TPMT: variants seen among roughly 807,000 people sequenced by gnomAD.
The protein encoded by TPMT is S-adenosyl-L-methionine:thiopurine S-methyltransferase.
TPMT carries 18 observed loss-of-function variants against 34.2 expected under a neutral mutation model. That is an observed-to-expected ratio of 0.53 (90% CI 0.36 to 0.78). The LOEUF is 0.78. TPMT is among the 30% of genes least tolerant of loss of function. TPMT has a pLI of 0.00. For missense variants in TPMT, 265 were observed against 288.1 expected, an observed-to-expected ratio of 0.92 and a Z score of 0.58; for synonymous variants, 69 against 92.4, an observed-to-expected ratio of 0.75 and a Z score of 1.45.
At position 18,148,301 on chromosome 6, in the gene TPMT, G is replaced by A. The variant is rs1479546483; in HGVS notation, c.141-386C>T. On this transcript the variant is annotated intron_variant, in intron 2 of 8. Coordinates refer to ENST00000309983, the MANE Select transcript of TPMT (RefSeq NM_000367.5). The surrounding 1 kb of genome is among the most constrained non-coding windows in gnomAD (Gnocchi z 4.1). ...AGCCTCGGAAGTAAACCTGAGAAGTGTAACTCCTGTAGTTTCTTGTAATTC... is the reference window on the plus strand; with the variant it reads ...AGCCTCGGAAGTAAACCTGAGAAGTATAACTCCTGTAGTTTCTTGTAATTC... 1.3e-5 allele frequency among the ~76,000 whole-genome samples: 2 copies of A among 152,152 alleles called. No individual in the cohort carries two copies. Among genetic ancestry groups the A allele is most frequent in the African/African-American group, 2.4e-5 (1 of 41,428 alleles).
At chr6:18,134,763 G>A (rs1340809534) in intron 6 of TPMT, among the ~76,000 whole-genome samples, 1 of 152,226 alleles carries the variant, frequency 6.6e-6, no homozygotes, top group Non-Finnish European at 1.5e-5. Context: ...TTGGAGCAAG[G>A]AGGCTGACCG....
At chr6:18,144,886 A>G (rs1365233474) in intron 3 of TPMT, among the ~76,000 whole-genome samples, 2 of 149,550 alleles carry the variant, frequency 1.3e-5, no homozygotes, top group South Asian at 2.1e-4. Flanking sequence ...ATACCCGGCT[A>G]ATTTTTGTAT....
Position 18,153,483 on chromosome 6 carries a change from T to C in TPMT, c.-45+1550A>G, listed in dbSNP as rs915529939. On this transcript the variant is annotated intron_variant, in intron 1 of 8. Transcript: ENST00000309983. This position sits in a 1 kb window ranked among gnomAD's most constrained non-coding sequence, Gnocchi z 4.2. ...CTAATTTAATGATTAATCTGTGAAA[T>C]AGCAAACATTGCATAAAAGCATGTA... Among the ~76,000 whole-genome samples, 6 of 152,354 alleles carry C rather than the reference T, an allele frequency of 3.9e-5. No individual in the cohort carries two copies. Among genetic ancestry groups the C allele is most frequent in the African/African-American group, 1.4e-4 (6 of 41,582 alleles).
At chr6:18,151,818 C>T (rs1433041119) in intron 1 of TPMT, among the ~76,000 whole-genome samples, 2 of 152,016 alleles carry the variant, frequency 1.3e-5, no homozygotes, top group Non-Finnish European at 2.9e-5. Flanking sequence ...CAATTCCTGT[C>T]TTAAGGATTC....
At position 18,139,281 on chromosome 6, in the gene TPMT, C is replaced by A. The variant is rs1314481860; in HGVS notation, c.420-244G>T. ...ATGATTTGGGGACATGAAGAAGGAA[C>A]AAAGGACAGTGTGCAACAACTCTGC... On this transcript the variant is annotated intron_variant, in intron 5 of 8. Coordinates refer to ENST00000309983, the MANE Select transcript of TPMT (RefSeq NM_000367.5). The surrounding 1 kb of genome is among the most constrained non-coding windows in gnomAD (Gnocchi z 4.2). Among the ~76,000 whole-genome samples the A allele has an allele frequency of 6.6e-6, 1 of 152,162 alleles. No individual in the cohort carries two copies. Among genetic ancestry groups the A allele is most frequent in the Non-Finnish European group, 1.5e-5 (1 of 68,036 alleles).
intron 3 of TPMT, among the ~76,000 whole-genome samples, chr6:18,144,542 C>G (rs1784213288): frequency 6.6e-6 from 1 of 151,808 alleles, no homozygotes; most frequent in Non-Finnish European, 1.5e-5. Context: ...CCATGCCTGG[C>G]TAATTTTTGT....
rs1783969351 is a variant in TPMT, at chr6:18,132,765, T to C, written c.581-588A>G. ...ATTAGGGACACTAGGTCTCATCTTT[T>C]AATGAGTTTTTAAGACCCCAATTTA... is the stretch of plus-strand genomic sequence containing the variant. On this transcript the variant is annotated intron_variant, in intron 7 of 8. Coordinates refer to ENST00000309983, the MANE Select transcript of TPMT (RefSeq NM_000367.5). The surrounding 1 kb of genome is among the most constrained non-coding windows in gnomAD (Gnocchi z 4.8). Among the ~76,000 whole-genome samples, 1 of 152,060 alleles carries C rather than the reference T, an allele frequency of 6.6e-6. No homozygotes were observed.
In TPMT at chr6:18,149,015, G is replaced by A. The variant is rs1784298622; in HGVS notation, c.113C>T (p.Thr38Ile). Residue 38 changes from threonine (T) to isoleucine (I), a missense_variant, in exon 2 of 9, where the codon ACT (threonine) becomes ATT (isoleucine). By Grantham distance (89) the Thr-to-Ile change is moderately conservative (BLOSUM62 -1). Transcript: ENST00000309983. This position sits in a 1 kb window ranked among gnomAD's most constrained non-coding sequence, Gnocchi z 5.0. ...ATGTCCTTGTTCCTGATGAAAAGCA[G>A]TCTTGCCGTTCACCCACTTGTCTTG... ...EWQDKWVNGK[T>I]AFHQEQGHQL... 1.9e-6 allele frequency: 3 copies of A among 1,613,860 alleles called. No individual in the cohort carries two copies. Among genetic ancestry groups the A allele is most frequent in the East Asian group, 2.2e-5 (1 of 44,880 alleles).
In TPMT at chr6:18,132,225, T is replaced by C. The variant is rs747409683; in HGVS notation, c.581-48A>G. On this transcript the variant is annotated intron_variant, in intron 7 of 8. Transcript: ENST00000309983. The surrounding 1 kb of genome is among the most constrained non-coding windows in gnomAD (Gnocchi z 4.8). ...CTGAGTTTATTTCCAATGACGTAGG[T>C]GTACTTGTTCTACATACAACTTCAT... 109 of 1,574,058 alleles carry C rather than the reference T, an allele frequency of 6.9e-5. No homozygotes were observed. The highest frequency in any genetic ancestry group is 6.7e-4 in the Middle Eastern group (4 of 6,014).
rs1175104604 is a variant in TPMT, at chr6:18,129,756, GT to G, written c.*911del. Reference sequence around the variant, plus strand: ...TTATTCTTAGAATTTGGGAATGTTTGTTCCATATAGATTGTTTAATTAAAAT... The same window carrying G: ...TTATTCTTAGAATTTGGGAATGTTTGTCCATATAGATTGTTTAATTAAAAT... On this transcript the variant is annotated 3_prime_UTR_variant, in exon 9 of 9. Coordinates refer to ENST00000309983, the MANE Select transcript of TPMT (RefSeq NM_000367.5). The G allele has an allele frequency of 6.6e-6, 1 of 152,124 alleles. No homozygotes were observed. Among genetic ancestry groups the G allele is most frequent in the African/African-American group, 2.4e-5 (1 of 41,396 alleles). 9.4% of individuals were successfully genotyped at this position (152,124 alleles called of 1,614,324 possible).
chr6:18,132,146 A>G lies in TPMT; in HGVS notation c.612T>C (p.Ile204=). 1 of 1,614,186 alleles carries G rather than the reference A, an allele frequency of 6.2e-7. No homozygotes were observed. The highest frequency in any genetic ancestry group is 8.5e-7 in the Non-Finnish European group (1 of 1,180,014). The change falls in exon 8 of 9, where the codon ATT becomes ATC. Residue 204 remains isoleucine, a synonymous_variant. Coordinates refer to ENST00000309983, the MANE Select transcript of TPMT (RefSeq NM_000367.5). The surrounding 1 kb of genome is among the most constrained non-coding windows in gnomAD (Gnocchi z 4.8). ...GPPFYVPHAE[I]ERLFGKICNI... is the part of the protein sequence containing the mutation. ...CCACAAACTTACCAAACAACCTTTC[A>G]ATTTCAGCATGTGGAACATAAAATG...
Position 18,136,799 on chromosome 6 carries a change from AAACT to A in TPMT, c.494+2160_494+2163del, listed in dbSNP as rs142247160. On this transcript the variant is annotated intron_variant, in intron 6 of 8. Coordinates refer to ENST00000309983, the MANE Select transcript of TPMT (RefSeq NM_000367.5). The surrounding 1 kb of genome is among the most constrained non-coding windows in gnomAD (Gnocchi z 4.7). ...CACTCCAGCCTGGGCAACAAGAGCG[AAACT>A]CTGTCTCGAAAAAAAAGATTTGATT... Among the ~76,000 whole-genome samples the A allele has an allele frequency of 0.016, 2,505 of 152,212 alleles. 73 individuals are homozygous for A. The highest frequency in any genetic ancestry group is 0.057 in the African/African-American group (2,371 of 41,546).
At position 18,140,135 on chromosome 6, in the gene TPMT, T is replaced by C. The variant is rs1784114536; in HGVS notation, c.367-418A>G. On this transcript the variant is annotated intron_variant, in intron 4 of 8. Coordinates refer to ENST00000309983, the MANE Select transcript of TPMT (RefSeq NM_000367.5). The surrounding 1 kb of genome is among the most constrained non-coding windows in gnomAD (Gnocchi z 4.7). ...ATGTGCAATTGTGCTGATTCTTCCA[T>C]TTTTGCTCATTCATTCAGCCAATGA... 6.6e-6 allele frequency among the ~76,000 whole-genome samples: 1 copy of C among 152,210 alleles called. No homozygotes were observed. The highest frequency in any genetic ancestry group is 2.4e-5 in the African/African-American group (1 of 41,456).
At position 18,139,620 on chromosome 6, in the gene TPMT, C is replaced by A. The variant is rs1056262092; in HGVS notation, c.419+45G>T. 9 of 1,525,062 alleles carry A rather than the reference C, an allele frequency of 5.9e-6. No individual in the cohort carries two copies. The Admixed American group carries it at 6.7e-5, about 11-fold the overall frequency. The allele number at this position is 1,525,062 out of a possible 1,614,324, so 94.5% of individuals were successfully genotyped here. A position where few individuals can be genotyped will look rare whatever the true frequency, so the allele number is the denominator to read the frequency against. ...CCACTCCCATGCCTGCACTGCCTGGCAAGCATTCAAATTTTTTAAAGTGCA... is the reference window on the plus strand; with the variant it reads ...CCACTCCCATGCCTGCACTGCCTGGAAAGCATTCAAATTTTTTAAAGTGCA... On this transcript the variant is annotated intron_variant, in intron 5 of 8. Transcript: ENST00000309983. The surrounding 1 kb of genome is among the most constrained non-coding windows in gnomAD (Gnocchi z 4.2).
At position 18,149,994 on chromosome 6, in the gene TPMT, CTTCTGATTTAA is replaced by C. The variant is rs1288562519; in HGVS notation, c.-44-834_-44-824del. 1.3e-5 allele frequency among the ~76,000 whole-genome samples: 2 copies of C among 151,948 alleles called. No homozygotes were observed. The highest frequency in any genetic ancestry group is 2.9e-5 in the Non-Finnish European group (2 of 67,996). On this transcript the variant is annotated intron_variant, in intron 1 of 8. Coordinates refer to ENST00000309983, the MANE Select transcript of TPMT (RefSeq NM_000367.5). The surrounding 1 kb of genome is among the most constrained non-coding windows in gnomAD (Gnocchi z 5.0). Reference sequence around the variant, plus strand: ...CAAATATTGGACACCAGTTGGGTATCTTCTGATTTAATTCTGACATTACCTACCTGGAGATA... The same window carrying C: ...CAAATATTGGACACCAGTTGGGTATCTTCTGACATTACCTACCTGGAGATA...
At chr6:18,155,086 G>C (rs1256925667), upstream of TPMT, 2 of 136,872 alleles carry the variant, frequency 1.5e-5, no homozygotes, top group East Asian at 4.1e-4. This position sits in a 1 kb window ranked among gnomAD's most constrained non-coding sequence, Gnocchi z 6.2. Context: ...ACGTCCCCAG[G>C]GGCGGGTACG....
At chr6:18,137,546 G>A (rs1302194979) in intron 6 of TPMT, among the ~76,000 whole-genome samples, 1 of 152,168 alleles carries the variant, frequency 6.6e-6, no homozygotes, top group East Asian at 1.9e-4. Context: ...AGAGTATACA[G>A]ATGTGGTCAC....
rs1784027593 is a variant in TPMT, at chr6:18,135,525, G to A, written c.495-1636C>T. On this transcript the variant is annotated intron_variant, in intron 6 of 8. Coordinates refer to ENST00000309983, the MANE Select transcript of TPMT (RefSeq NM_000367.5). The surrounding 1 kb of genome is among the most constrained non-coding windows in gnomAD (Gnocchi z 5.0). ...AATGTGCTAACATGGTAAGTACTGA[G>A]TACCAGCATGTAGATAAAGAACTAA... Among the ~76,000 whole-genome samples the A allele has an allele frequency of 6.6e-6, 1 of 152,122 alleles. No individual in the cohort carries two copies.
In TPMT at chr6:18,132,204, G is replaced by A; in HGVS notation, c.581-27C>T. ...TAGGTAAAAGAGAAATAAATTCTGA[G>A]TTTATTTCCAATGACGTAGGTGTAC... On this transcript the variant is annotated intron_variant, in intron 7 of 8. Transcript: ENST00000309983. This position sits in a 1 kb window ranked among gnomAD's most constrained non-coding sequence, Gnocchi z 4.8. The A allele has an allele frequency of 6.2e-7, 1 of 1,608,232 alleles. No individual in the cohort carries two copies.
Sources: allele counts gnomAD v4.1 joint callset (sites outside exome capture counted in the v4.1 genomes callset), GRCh38; gene constraint gnomAD v4.1.1; non-coding constraint Gnocchi (gnomAD v3.1); transcripts MANE v1.5; gene names NCBI Gene and HGNC (gene_info 2026-07-23, HGNC 2026-07-21).